The following CAMTA1 variants were observed in gnomAD, a reference collection of about 807,000 sequenced individuals.
CAMTA1 encodes calmodulin-binding transcription activator 1.
Under a neutral mutation model 170.9 loss-of-function variants are expected in CAMTA1, and 27 were observed. The ratio of observed to expected loss-of-function variants is 0.16; its 90% CI spans 0.12 to 0.22. The LOEUF (loss-of-function observed/expected upper bound fraction) is 0.22, where lower values mean the gene tolerates loss of function less well. CAMTA1 is among the 10% of genes least tolerant of loss of function. The probability of loss-of-function intolerance (pLI) is 1.00; values close to 1 mark genes in which losing one functional copy is unlikely to be tolerated. For synonymous variants in CAMTA1, 833 were observed against 891.5 expected, an observed-to-expected ratio of 0.93 and a Z score of 1.17; for missense variants, 1,619 against 2,217.2, an observed-to-expected ratio of 0.73 and a Z score of 5.42.
chr1:7,039,016 G>A (rs7539442), intron 3 of CAMTA1, among the ~76,000 whole-genome samples: 21,451 of 151,960 alleles, frequency 0.14, 2,057 homozygotes, highest in African/African-American at 0.27. Flanking sequence ...CTCCAGCCTG[G>A]GTGACAGAGC....
chr1:7,282,039 T>A (rs1318639356), intron 5 of CAMTA1, among the ~76,000 whole-genome samples: 1 of 152,140 alleles, frequency 6.6e-6, no homozygotes, highest in Non-Finnish European at 1.5e-5. Context: ...AGAGGAGCCT[T>A]AGCAGCTATT....
chr1:6,790,375 A>AGAGT (rs951990612), intron 1 of CAMTA1, among the ~76,000 whole-genome samples: 87 of 139,126 alleles, frequency 6.3e-4, no homozygotes, highest in African/African-American at 1.2e-3. Flanking sequence ...AGAGAGAGAG[A>AGAGT]GTGTGTGTGT....
At chr1:7,507,224 T>G (rs571810620) in intron 6 of CAMTA1, among the ~76,000 whole-genome samples, 2 of 151,410 alleles carry the variant, frequency 1.3e-5, no homozygotes, top group African/African-American at 4.9e-5. Context: ...CGATACACAC[T>G]TGCTCACACA....
In CAMTA1 at chr1:7,682,164, CAG is replaced by C. The variant is rs992593021; in HGVS notation, c.2914+4432_2914+4433del. Among the ~76,000 whole-genome samples, 9 of 152,198 alleles carry C rather than the reference CAG, an allele frequency of 5.9e-5. No individual in the cohort carries two copies. Among genetic ancestry groups the C allele is most frequent in the African/African-American group, 2.2e-4 (9 of 41,452 alleles). On this transcript the variant is annotated intron_variant, in intron 11 of 22. Coordinates refer to ENST00000303635, the MANE Select transcript of CAMTA1 (RefSeq NM_015215.4). The surrounding 1 kb of genome is among the most constrained non-coding windows in gnomAD (Gnocchi z 5.0). ...TCCTGGGCAGGCCCCCTTCTGGCCT[CAG>C]GGGTGAGGGGGGACCCTGTCATCTC...
At chr1:7,215,684 G>A (rs1659632816) in intron 4 of CAMTA1, among the ~76,000 whole-genome samples, 2 of 152,168 alleles carry the variant, frequency 1.3e-5, no homozygotes, top group Admixed American at 6.5e-5. Flanking sequence ...GTGAGCCACC[G>A]TGCCTTACCT....
chr1:7,692,637 T>C (rs1275917258), intron 11 of CAMTA1, among the ~76,000 whole-genome samples: 1 of 152,178 alleles, frequency 6.6e-6, no homozygotes, highest in Non-Finnish European at 1.5e-5. Flanking sequence ...ACAGTAATGA[T>C]CACCAGCCAG....
intron 5 of CAMTA1, among the ~76,000 whole-genome samples, chr1:7,401,299 T>C (rs2089888583): frequency 6.6e-6 from 1 of 152,254 alleles, no homozygotes; most frequent in Non-Finnish European, 1.5e-5. Flanking sequence ...TTTGCACTTT[T>C]GTTGAAAATC....
chr1:6,896,119 A>AT (rs1209176878), intron 3 of CAMTA1, among the ~76,000 whole-genome samples: 3 of 151,892 alleles, frequency 2.0e-5, no homozygotes, highest in East Asian at 3.9e-4. Context: ...TCTTGCCCAC[A>AT]TTTTTTTTGA....
intron 5 of CAMTA1, among the ~76,000 whole-genome samples, chr1:7,255,603 T>C (rs907678151): frequency 6.6e-6 from 1 of 152,196 alleles, no homozygotes; most frequent in Non-Finnish European, 1.5e-5. Flanking sequence ...CTTAAGGAAG[T>C]GTTCAGGTTG....
At chr1:7,498,412 T>C (rs2093878698) in intron 6 of CAMTA1, among the ~76,000 whole-genome samples, 1 of 150,138 alleles carries the variant, frequency 6.7e-6, no homozygotes. Context: ...TATGAGTGTG[T>C]ATGAGTGTGT....
chr1:7,744,767 G>A (rs2096845200), intron 16 of CAMTA1, 68 bp from the exon 17 acceptor site: 20 of 1,384,036 alleles, frequency 1.4e-5, no homozygotes, highest in Non-Finnish European at 1.8e-5. Context: ...GGCGAGGCAG[G>A]GAGGTAGACC....
At chr1:7,254,250 C>T (rs539552024) in intron 5 of CAMTA1, among the ~76,000 whole-genome samples, 2 of 152,224 alleles carry the variant, frequency 1.3e-5, no homozygotes, top group African/African-American at 2.4e-5. Context: ...GTCTTATCCT[C>T]CTAGCAACGC....
chr1:7,339,061 G>T (rs1292640307), intron 5 of CAMTA1, among the ~76,000 whole-genome samples: 1 of 152,136 alleles, frequency 6.6e-6, no homozygotes, highest in Non-Finnish European at 1.5e-5. Context: ...GACGAGACCA[G>T]CGAGGGGGAA....
At chr1:6,956,443 TC>T (rs1689472370) in intron 3 of CAMTA1, among the ~76,000 whole-genome samples, 1 of 152,204 alleles carries the variant, frequency 6.6e-6, no homozygotes, top group Non-Finnish European at 1.5e-5. Context: ...CTGGTCCTCT[TC>T]ACTCTCTTGT....
intron 5 of CAMTA1, among the ~76,000 whole-genome samples, chr1:7,440,739 G>C (rs2092501760): frequency 6.6e-6 from 1 of 152,192 alleles, no homozygotes; most frequent in Non-Finnish European, 1.5e-5. Flanking sequence ...GAGGCAGCCT[G>C]ACCAAACCTC....
chr1:7,387,594 G>A (rs1020303605), intron 5 of CAMTA1, among the ~76,000 whole-genome samples: 5 of 152,114 alleles, frequency 3.3e-5, no homozygotes, highest in African/African-American at 1.2e-4. Flanking sequence ...GGGGCCTCTC[G>A]TGCTTCTCTG....
At position 7,304,877 on chromosome 1, in the gene CAMTA1, A is replaced by G. The variant is rs1033652477; in HGVS notation, c.438+55251A>G. 3.9e-5 allele frequency among the ~76,000 whole-genome samples: 6 copies of G among 152,010 alleles called. No individual in the cohort carries two copies. The East Asian group carries it at 1.2e-3, about 29-fold the overall frequency. On this transcript the variant is annotated intron_variant, in intron 5 of 22. Transcript: ENST00000303635. Reference sequence around the variant, plus strand: ...TAAAAAAGTGTAAGTAGCCAAATTTATCTCTTTTCTTTCATGATCTCTAAA... The same window carrying G: ...TAAAAAAGTGTAAGTAGCCAAATTTGTCTCTTTTCTTTCATGATCTCTAAA...
At chr1:7,214,331 G>C (rs1479813737) in intron 4 of CAMTA1, among the ~76,000 whole-genome samples, 1 of 152,104 alleles carries the variant, frequency 6.6e-6, no homozygotes, top group East Asian at 1.9e-4. Flanking sequence ...TCTCATTGTG[G>C]TTTTGATTTG....
intron 5 of CAMTA1, among the ~76,000 whole-genome samples, chr1:7,467,590 G>A (rs777069626): frequency 3.3e-5 from 5 of 152,178 alleles, no homozygotes; most frequent in Non-Finnish European, 7.3e-5. Context: ...TATGGCTCCC[G>A]GAGGGTAAGG....
Sources: allele counts gnomAD v4.1 joint callset (sites outside exome capture counted in the v4.1 genomes callset), GRCh38; gene constraint gnomAD v4.1.1; non-coding constraint Gnocchi (gnomAD v3.1); transcripts MANE v1.5; gene names NCBI Gene and HGNC (gene_info 2026-07-23, HGNC 2026-07-21).